PSD3: variants seen among roughly 807,000 people sequenced by gnomAD.
PSD3 encodes pleckstrin and Sec7 domain containing 3, also known as PH and SEC7 domain-containing protein 3.
A neutral mutation model predicts 105.5 loss-of-function variants in PSD3; 49 were observed. The observed-to-expected ratio is 0.46, with a 90% CI of 0.37 to 0.59. PSD3 has a LOEUF of 0.59. Ranked by LOEUF, PSD3 falls within the 20% of genes least tolerant of loss-of-function variation. The pLI is 0.00. For missense variants in PSD3, 1,561 were observed against 1,263.8 expected (o/e 1.24, Z -3.57); for synonymous variants, 557 against 457.8 (o/e 1.22, Z -2.77).
intron 1 of PSD3, among the ~76,000 whole-genome samples, chr8:18,974,262 G>A (rs1027258589): frequency 7.9e-5 from 12 of 152,194 alleles, no homozygotes; most frequent in Non-Finnish European, 1.8e-4. Context: ...CTCAGACAGT[G>A]ACTAAAAACA....
chr8:18,797,275 T>C (rs989751700), intron 8 of PSD3, among the ~76,000 whole-genome samples: 17 of 152,284 alleles, frequency 1.1e-4, no homozygotes, highest in African/African-American at 4.1e-4. Flanking sequence ...AAACACATGA[T>C]CCTGAATATG....
At chr8:18,716,175 G>C (rs1048672566) in intron 9 of PSD3, among the ~76,000 whole-genome samples, 1 of 152,136 alleles carries the variant, frequency 6.6e-6, no homozygotes, top group Non-Finnish European at 1.5e-5. Flanking sequence ...ACAGTTGATT[G>C]CTGGAAAGGT....
intron 1 of PSD3, among the ~76,000 whole-genome samples, chr8:19,080,225 A>T (rs910697467): frequency 2.0e-5 from 3 of 152,202 alleles, no homozygotes; most frequent in African/African-American, 7.2e-5. Context: ...TTCCTTAAAG[A>T]GTTTCATTCC....
intron 15 of PSD3, among the ~76,000 whole-genome samples, chr8:18,555,327 A>T (rs1418581158): frequency 6.6e-6 from 1 of 152,168 alleles, no homozygotes; most frequent in East Asian, 1.9e-4. Flanking sequence ...AGGAAATCAG[A>T]TAAGATGAAA....
chr8:18,835,492 A>T (rs1474225429), intron 4 of PSD3, among the ~76,000 whole-genome samples: 1 of 152,216 alleles, frequency 6.6e-6, no homozygotes, highest in African/African-American at 2.4e-5. Context: ...AGTGACCAAA[A>T]CAAGACAAAA....
At chr8:18,865,706 G>A (rs762233973) in intron 4 of PSD3, among the ~76,000 whole-genome samples, 5 of 152,078 alleles carry the variant, frequency 3.3e-5, no homozygotes, top group African/African-American at 9.7e-5. Flanking sequence ...AAGCTGGCGC[G>A]TCTCCAAGGT....
At chr8:19,068,851 G>A (rs970592102) in intron 1 of PSD3, among the ~76,000 whole-genome samples, 23 of 151,878 alleles carry the variant, frequency 1.5e-4, no homozygotes, top group Non-Finnish European at 3.1e-4. Flanking sequence ...GGCTCTGACT[G>A]TGTGAAAAAT....
At chr8:18,934,990 A>G (rs1327067587) in intron 2 of PSD3, among the ~76,000 whole-genome samples, 1 of 152,206 alleles carries the variant, frequency 6.6e-6, no homozygotes, top group African/African-American at 2.4e-5. Flanking sequence ...CGGTCAGGCA[A>G]ACTTGCCTTA....
rs149706954 is a variant in PSD3, at chr8:19,038,661, C to T, written c.324+45545G>A. On this transcript the variant is annotated intron_variant, in intron 1 of 1. Transcript: ENST00000521475. ...TTTTTTTGTAGAGACAGGGTCTCGC[C>T]ATGTTGCCCAGGCTGGTGTCAAACT... is the stretch of plus-strand genomic sequence containing the variant. Among the ~76,000 whole-genome samples the T allele has an allele frequency of 3.0e-3, 464 of 152,148 alleles. 3 individuals carry two copies. The highest frequency in any genetic ancestry group is 9.6e-3 in the African/African-American group (397 of 41,524).
At position 18,575,236 on chromosome 8, in the gene PSD3, G is replaced by A; in HGVS notation, c.2531C>T (p.Ala844Val). 6.2e-7 allele frequency: 1 copy of A among 1,613,318 alleles called. No individual in the cohort carries two copies. The highest frequency in any genetic ancestry group is 8.5e-7 in the Non-Finnish European group (1 of 1,179,578). ...KALSEEDLKN[A>V]VSVHHALASK... ...TGCCAATGCGTGGTGCACACTCACA[G>A]CGTTTTTCAAGTCCTCTTCAGACAA... Residue 844 changes from alanine to valine, a missense_variant, in exon 13 of 16, where the codon GCT (alanine) becomes GTT (valine). Coordinates refer to ENST00000327040, the MANE Select transcript of PSD3 (RefSeq NM_015310.4).
At chr8:18,752,546 TTATATATAATTATATATATTA>T (rs1346626639) in intron 9 of PSD3, among the ~76,000 whole-genome samples, 23 of 17,732 alleles carry the variant, frequency 1.3e-3, no homozygotes, top group Admixed American at 4.4e-3. Flanking sequence ...ATTATATATA[TTATATATAATTATATATATTA>T]TATATATAAT....
At chr8:18,550,993 C>T (rs1041993511) in intron 15 of PSD3, among the ~76,000 whole-genome samples, 3 of 152,116 alleles carry the variant, frequency 2.0e-5, no homozygotes, top group African/African-American at 7.2e-5. Flanking sequence ...CCCTTGCTTT[C>T]GCTAGGAAGA....
intron 4 of PSD3, among the ~76,000 whole-genome samples, chr8:18,851,859 G>A (rs1815600427): frequency 6.6e-6 from 1 of 152,166 alleles, no homozygotes; most frequent in African/African-American, 2.4e-5. Flanking sequence ...CTGGAGAGTG[G>A]GACCAATGGA....
intron 2 of PSD3, among the ~76,000 whole-genome samples, chr8:18,908,371 C>T (rs1447559877): frequency 6.6e-6 from 1 of 152,182 alleles, no homozygotes; most frequent in Non-Finnish European, 1.5e-5. Context: ...AGTCAATAAT[C>T]TACTATCCTC....
At chr8:18,708,901 A>G (rs1347074711) in intron 9 of PSD3, among the ~76,000 whole-genome samples, 1 of 152,176 alleles carries the variant, frequency 6.6e-6, no homozygotes, top group African/African-American at 2.4e-5. Flanking sequence ...TCCCACCTCC[A>G]GTCAAGGGAG....
chr8:18,602,466 T>A (rs1282729518), intron 11 of PSD3, among the ~76,000 whole-genome samples: 1 of 151,988 alleles, frequency 6.6e-6, no homozygotes, highest in Non-Finnish European at 1.5e-5. Flanking sequence ...CTTAACCTTA[T>A]CTTTGGCCAG....
intron 1 of PSD3, among the ~76,000 whole-genome samples, chr8:18,959,699 G>T (rs1200213802): frequency 1.3e-5 from 2 of 152,094 alleles, no homozygotes; most frequent in Admixed American, 6.5e-5. Context: ...AATGGCTAAA[G>T]ATCAGTGACA....
chr8:19,008,201 AC>A (rs768081100), intron 1 of PSD3, among the ~76,000 whole-genome samples: 4 of 152,168 alleles, frequency 2.6e-5, no homozygotes, highest in Non-Finnish European at 4.4e-5. Context: ...TGGCTGACAG[AC>A]CTTTTGTAGC....
chr8:18,800,915 A>G (rs2632849), intron 7 of PSD3: 43,054 of 155,634 alleles, frequency 0.28, 6,271 homozygotes, highest in East Asian at 0.39. Context: ...AAAATCTCAG[A>G]GTGACAAACC....
Sources: allele counts gnomAD v4.1 joint callset (sites outside exome capture counted in the v4.1 genomes callset), GRCh38; gene constraint gnomAD v4.1.1; transcripts MANE v1.5; gene names NCBI Gene and HGNC (gene_info 2026-07-23, HGNC 2026-07-21).